GABBR2: variants seen among roughly 807,000 people sequenced by gnomAD.
GABBR2 encodes gamma-aminobutyric acid type B receptor subunit 2.
GABBR2 carries 23 observed loss-of-function variants against 105.6 expected under a neutral mutation model. That is an observed-to-expected ratio of 0.22 (90% CI 0.16 to 0.31). The LOEUF (loss-of-function observed/expected upper bound fraction) is 0.31. Ranked by LOEUF, GABBR2 falls within the 10% of genes least tolerant of loss-of-function variation. GABBR2 has a pLI of 1.00. For missense variants in GABBR2, 734 were observed against 1,245.5 expected, an observed-to-expected ratio of 0.59 and a Z score of 6.18; for synonymous variants, 478 against 499.7, an observed-to-expected ratio of 0.96 and a Z score of 0.58.
intron 13 of GABBR2, among the ~76,000 whole-genome samples, chr9:98,356,349 T>C (rs563404388): frequency 8.9e-4 from 135 of 152,216 alleles, no homozygotes; most frequent in Non-Finnish European, 1.6e-3. Flanking sequence ...AACAACCTAT[T>C]TAAAAAGTGC....
At chr9:98,587,435 G>A (rs1325736226) in intron 1 of GABBR2, among the ~76,000 whole-genome samples, 2 of 152,250 alleles carry the variant, frequency 1.3e-5, no homozygotes, top group East Asian at 1.9e-4. Flanking sequence ...GCAAAACACC[G>A]ACAATCCTTC....
chr9:98,430,092 C>T (rs1825775340), intron 7 of GABBR2, among the ~76,000 whole-genome samples: 1 of 152,110 alleles, frequency 6.6e-6, no homozygotes, highest in Admixed American at 6.5e-5. Context: ...CAACACCATC[C>T]TGGCCAACAT....
intron 6 of GABBR2, among the ~76,000 whole-genome samples, chr9:98,469,522 C>A (rs1416609000): frequency 1.3e-5 from 2 of 152,166 alleles, no homozygotes; most frequent in African/African-American, 4.8e-5. Flanking sequence ...TCCCTCCACT[C>A]CATGCCTCTC....
rs73490787 is a variant in GABBR2 at position 98,303,222 on chromosome 9, C to T, written c.2412+19G>A. The stretch of plus-strand genomic sequence containing the variant: ...TCAGTGGCAGACAGGGCCCAGCTAC[C>T]AGATGCAGAGGGAGGTACCTCTGTG... On this transcript the variant is annotated intron_variant, in intron 16 of 18. Transcript: ENST00000259455. The T allele has an allele frequency of 0.028, 45,454 of 1,607,554 alleles. 1,448 individuals carry two copies. Among genetic ancestry groups the T allele is most frequent in the African/African-American group, 0.15 (11,546 of 74,766 alleles).
chr9:98,557,790 G>A (rs138774216), intron 2 of GABBR2, among the ~76,000 whole-genome samples: 36 of 152,240 alleles, frequency 2.4e-4, no homozygotes, highest in African/African-American at 8.7e-4. Context: ...TTCATTCATG[G>A]CATTTAGATA....
intron 7 of GABBR2, among the ~76,000 whole-genome samples, chr9:98,448,664 C>G (rs1298790111): frequency 6.6e-6 from 1 of 152,140 alleles, no homozygotes; most frequent in African/African-American, 2.4e-5. Context: ...GCGATCCACC[C>G]ACCTCAGCCT....
At chr9:98,699,880 GA>G (rs1409913588) in intron 1 of GABBR2, among the ~76,000 whole-genome samples, 2 of 152,148 alleles carry the variant, frequency 1.3e-5, no homozygotes, top group East Asian at 3.8e-4. Context: ...AGAAGAAGAA[GA>G]AAAGAAAGTA....
intron 11 of GABBR2, among the ~76,000 whole-genome samples, chr9:98,385,264 C>T (rs1588133619): frequency 6.6e-6 from 1 of 152,106 alleles, no homozygotes; most frequent in Non-Finnish European, 1.5e-5. Flanking sequence ...GGCACAGTGA[C>T]GCGATCACAA....
At position 98,692,629 on chromosome 9, in the gene GABBR2, G is replaced by A. The variant is rs182967674; in HGVS notation, c.321+15788C>T. ...TGGCTGGACTGTAGCATGCCTGGCCGCTGTGGGTGGTGCCAAGGGCACTGG... is the reference window on the plus strand; with the variant it reads ...TGGCTGGACTGTAGCATGCCTGGCCACTGTGGGTGGTGCCAAGGGCACTGG... On this transcript the variant is annotated intron_variant, in intron 1 of 18. Coordinates refer to ENST00000259455, the MANE Select transcript of GABBR2 (RefSeq NM_005458.8). Among the ~76,000 whole-genome samples the A allele has an allele frequency of 1.1e-3, 161 of 152,332 alleles. 1 individual carries two copies. The highest frequency in any genetic ancestry group is 1.8e-3 in the Non-Finnish European group (123 of 68,026).
chr9:98,550,920 G>T (rs539751583), intron 2 of GABBR2, among the ~76,000 whole-genome samples: 1 of 151,412 alleles, frequency 6.6e-6, no homozygotes, highest in East Asian at 1.9e-4. Flanking sequence ...CAGGATTTTT[G>T]TTTTTATTTC....
At position 98,652,555 on chromosome 9, in the gene GABBR2, C is replaced by T. The variant is rs79012047; in HGVS notation, c.321+55862G>A. ...CAGCTGCTTTTCTCCAGCTCCCAGC[C>T]TCCTCATGCTCTAGAAAAAGCTCTG... On this transcript the variant is annotated intron_variant, in intron 1 of 18. Coordinates refer to ENST00000259455, the MANE Select transcript of GABBR2 (RefSeq NM_005458.8). Among the ~76,000 whole-genome samples, 1,022 of 152,324 alleles carry T rather than the reference C, an allele frequency of 6.7e-3. 15 individuals carry two copies. The highest frequency in any genetic ancestry group is 0.023 in the African/African-American group (961 of 41,572).
At chr9:98,364,673 T>C (rs1182282346) in intron 12 of GABBR2, among the ~76,000 whole-genome samples, 2 of 150,900 alleles carry the variant, frequency 1.3e-5, no homozygotes, top group East Asian at 3.9e-4. Flanking sequence ...TTAGGCTCAC[T>C]GCAGCCTCCA....
At chr9:98,648,802 AG>A (rs940882745) in intron 1 of GABBR2, among the ~76,000 whole-genome samples, 1 of 152,204 alleles carries the variant, frequency 6.6e-6, no homozygotes, top group African/African-American at 2.4e-5. Context: ...CCTTCCCCAG[AG>A]GACTCAGTCT....
At chr9:98,584,468 C>T (rs896237678) in intron 1 of GABBR2, among the ~76,000 whole-genome samples, 2 of 152,112 alleles carry the variant, frequency 1.3e-5, no homozygotes, top group Non-Finnish European at 2.9e-5. Context: ...AGGGCTTCTC[C>T]TTCCCTATAA....
chr9:98,648,128 G>GTGTGTGTGTGTGTGT (rs1271189831), intron 1 of GABBR2, among the ~76,000 whole-genome samples: 28 of 72,282 alleles, frequency 3.9e-4, no homozygotes, highest in Non-Finnish European at 7.3e-4. Context: ...TAGATAGATA[G>GTGTGTGTGTGTGTGT]ATAGATAGAT....
At chr9:98,398,209 T>C (rs1832328080) in intron 8 of GABBR2, among the ~76,000 whole-genome samples, 1 of 152,176 alleles carries the variant, frequency 6.6e-6, no homozygotes. Context: ...TAGAATTTGA[T>C]TGTTGTTGAA....
intron 1 of GABBR2, among the ~76,000 whole-genome samples, chr9:98,625,680 A>G (rs976353127): frequency 6.6e-6 from 1 of 152,240 alleles, no homozygotes; most frequent in Non-Finnish European, 1.5e-5. Flanking sequence ...ACACACAGCT[A>G]TGATGTCAGA....
intron 1 of GABBR2, among the ~76,000 whole-genome samples, chr9:98,675,079 G>A (rs1830457735): frequency 6.6e-6 from 1 of 152,198 alleles, no homozygotes. Context: ...GAGGGTCTAG[G>A]GAAGAGGATG....
intron 13 of GABBR2, among the ~76,000 whole-genome samples, chr9:98,353,152 C>T (rs555249916): frequency 3.3e-5 from 5 of 152,118 alleles, no homozygotes; most frequent in African/African-American, 7.2e-5. Flanking sequence ...GATGGGAATG[C>T]GGACCACTAA....
Sources: allele counts gnomAD v4.1 joint callset (sites outside exome capture counted in the v4.1 genomes callset), GRCh38; gene constraint gnomAD v4.1.1; transcripts MANE v1.5; gene names NCBI Gene and HGNC (gene_info 2026-07-23, HGNC 2026-07-21).